The following RBM39 variants were observed in gnomAD, a reference collection of about 807,000 sequenced individuals.
The protein encoded by RBM39 is RNA-binding protein 39.
Under a neutral mutation model 79.6 loss-of-function variants are expected in RBM39, and 12 were observed. That is an observed-to-expected ratio of 0.15 (90% CI 0.10 to 0.24). RBM39 has a LOEUF of 0.24. Ranked by LOEUF, RBM39 falls within the 10% of genes least tolerant of loss-of-function variation. The pLI, the probability that RBM39 is intolerant of heterozygous loss-of-function variation, is 1.00. For synonymous variants in RBM39, 185 were observed against 208.4 expected (o/e 0.89, Z 0.97); for missense variants, 243 against 653.4 (o/e 0.37, Z 6.85).
At chr20:35,721,566 G>A (rs1042581627) in intron 9 of RBM39, among the ~76,000 whole-genome samples, 174 bp downstream of exon 9, 2 of 152,194 alleles carry the variant, frequency 1.3e-5, no homozygotes, top group Non-Finnish European at 2.9e-5. Flanking sequence ...ATTCTTTTAA[G>A]AATCTATCAA....
intron 3 of RBM39, chr20:35,736,473 T>A: frequency 2.5e-6 from 1 of 408,026 alleles, no homozygotes; most frequent in Non-Finnish European, 5.0e-6. Flanking sequence ...AATAACATTA[T>A]ATATTTTCTC....
chr20:35,718,465 C>T (rs1265978382), intron 9 of RBM39, among the ~76,000 whole-genome samples: 3 of 152,058 alleles, frequency 2.0e-5, no homozygotes, highest in African/African-American at 7.2e-5. Flanking sequence ...TATCTGAGCT[C>T]AGGAGTTCGA....
rs776906903 is a variant in RBM39, at chr20:35,725,010, T to C, written c.534+28A>G. On this transcript the variant is annotated intron_variant, in intron 7 of 16. Coordinates refer to ENST00000253363, the MANE Select transcript of RBM39 (RefSeq NM_184234.3). ...GTTTTCTCTTGCAATTTCTACCTAC[T>C]TGACCTCCCTAAACAGGTTAAGATT... The C allele has an allele frequency of 6.2e-6, 9 of 1,461,406 alleles. No homozygotes were observed. In the South Asian group the frequency reaches 1.1e-4, roughly 18 times the overall value. 90.5% of individuals were successfully genotyped at this position (1,461,406 alleles called of 1,614,324 possible). A position where few individuals can be genotyped will look rare whatever the true frequency, so the allele number is the denominator to read the frequency against.
intron 6 of RBM39, among the ~76,000 whole-genome samples, chr20:35,727,090 G>C (rs1322780316): frequency 6.6e-6 from 1 of 152,058 alleles, no homozygotes; most frequent in African/African-American, 2.4e-5. Context: ...ACCACGCCAG[G>C]CACAAAAGCT....
In RBM39 at chr20:35,703,390, T is replaced by G. The variant is rs915809865; in HGVS notation, c.*1091A>C. 6.6e-6 allele frequency: 1 copy of G among 152,170 alleles called. No individual in the cohort carries two copies. Among genetic ancestry groups the G allele is most frequent in the Non-Finnish European group, 1.5e-5 (1 of 68,036 alleles). 9.4% of individuals were successfully genotyped at this position (152,170 alleles called of 1,614,324 possible). A position where few individuals can be genotyped will look rare whatever the true frequency, so the allele number is the denominator to read the frequency against. ...GGTTTTAAGGCCAGGCTGTTTCCTT[T>G]TCTTTTTGGTAAACCCCTCAGTTTT... is the stretch of plus-strand genomic sequence containing the variant. On this transcript the variant is annotated 3_prime_UTR_variant, in exon 17 of 17. Transcript: ENST00000253363.
rs2040630545 is a variant in RBM39, at chr20:35,742,231, T to C, written c.-304A>G. ...AGCTCCCTGAAATGGCGGCCGCTGCTTCCCTGTACTCACATTCACCAGCAC... is the reference window on the plus strand; with the variant it reads ...AGCTCCCTGAAATGGCGGCCGCTGCCTCCCTGTACTCACATTCACCAGCAC... On this transcript the variant is annotated 5_prime_UTR_variant, in exon 1 of 17. Transcript: ENST00000253363. 1 of 157,338 alleles carries C rather than the reference T, an allele frequency of 6.4e-6. No homozygotes were observed. The highest frequency in any genetic ancestry group is 1.4e-5 in the Non-Finnish European group (1 of 70,676). 9.7% of individuals were successfully genotyped at this position (157,338 alleles called of 1,614,324 possible).
At chr20:35,736,014 G>T (rs937742832) in intron 3 of RBM39, among the ~76,000 whole-genome samples, 1 of 152,144 alleles carries the variant, frequency 6.6e-6, no homozygotes, top group Non-Finnish European at 1.5e-5. Context: ...GGCAAAAAGC[G>T]ACATGAGACA....
intron 6 of RBM39, among the ~76,000 whole-genome samples, chr20:35,727,214 G>A (rs1285684331): frequency 6.6e-6 from 1 of 151,896 alleles, no homozygotes; most frequent in Admixed American, 6.6e-5. Flanking sequence ...GCAGGGCATG[G>A]TGGCTGCACC....
At position 35,721,728 on chromosome 20, in the gene RBM39, A is replaced by G. The variant is rs935422930; in HGVS notation, c.825+12T>C. 1 of 1,613,374 alleles carries G rather than the reference A, an allele frequency of 6.2e-7. No homozygotes were observed. The highest frequency in any genetic ancestry group is 1.3e-5 in the African/African-American group (1 of 74,874). ...CAACCTACTGAAGATTCATTGAAGA[A>G]CCTGGACTTACTCTTCCAAAAGGCT... On this transcript the variant is annotated intron_variant, in intron 9 of 16. Coordinates refer to ENST00000253363, the MANE Select transcript of RBM39 (RefSeq NM_184234.3).
chr20:35,734,461 C>A, intron 3 of RBM39: 1 of 245,736 alleles, frequency 4.1e-6, no homozygotes, highest in Non-Finnish European at 8.2e-6. Flanking sequence ...TCTGAGATTT[C>A]TAAAACCAAA....
intron 7 of RBM39, 33 bp downstream of exon 7, chr20:35,725,004 AC>A: frequency 7.2e-7 from 1 of 1,395,778 alleles, no homozygotes; most frequent in African/African-American, 1.4e-5. Flanking sequence ...TGCAATTTCT[AC>A]CTACTTGACC....
intron 3 of RBM39, chr20:35,735,026 T>C (rs1377625856): frequency 6.2e-7 from 1 of 1,606,480 alleles, no homozygotes; most frequent in Non-Finnish European, 8.5e-7. Flanking sequence ...TGTTTTGCTA[T>C]AACTGGATTT....
chr20:35,740,125 G>C (rs2040370160), intron 2 of RBM39: 1 of 157,792 alleles, frequency 6.3e-6, no homozygotes, highest in Admixed American at 6.3e-5. Context: ...CAGTAAAACA[G>C]TCATCAAGTG....
intron 2 of RBM39, chr20:35,739,323 A>T: frequency 2.2e-6 from 1 of 456,442 alleles, no homozygotes; most frequent in South Asian, 1.8e-5. Flanking sequence ...GTGGTTAAAT[A>T]TAATTTCCAT....
At chr20:35,741,285 C>G (rs2040507679) in intron 1 of RBM39, among the ~76,000 whole-genome samples, 1 of 151,732 alleles carries the variant, frequency 6.6e-6, no homozygotes, top group Non-Finnish European at 1.5e-5. Flanking sequence ...CCGCCTGCCT[C>G]TGCCTCCCAA....
Position 35,707,166 on chromosome 20 carries a change from G to C in RBM39, c.1261C>G (p.Leu421Val). Residue 421 changes from leucine (L) to valine (V), a missense_variant, in exon 14 of 17, where the codon CTT becomes GTT. Physicochemically the swap from Leu to Val is conservative, Grantham distance 32. Coordinates refer to ENST00000253363, the MANE Select transcript of RBM39 (RefSeq NM_184234.3). ...ALAAAASVQP[L>V]ATQCFQLSNM... The stretch of plus-strand genomic sequence containing the variant: ...GAGAGTTGGAAACATTGTGTTGCAA[G>C]TGGCTGAACAGAGGCAGCTGCAGCT... The C allele has an allele frequency of 6.2e-7, 1 of 1,608,772 alleles. No individual in the cohort carries two copies. The highest frequency in any genetic ancestry group is 8.5e-7 in the Non-Finnish European group (1 of 1,176,650).
At chr20:35,739,242 T>C (rs2040286918) in intron 2 of RBM39, 4 of 562,646 alleles carry the variant, frequency 7.1e-6, no homozygotes, top group Non-Finnish European at 1.3e-5. Flanking sequence ...AAATTTTCCA[T>C]ATTAACATGT....
At chr20:35,715,410 A>T (rs549688786) in intron 10 of RBM39, among the ~76,000 whole-genome samples, 7 of 152,304 alleles carry the variant, frequency 4.6e-5, no homozygotes, top group African/African-American at 1.4e-4. Context: ...TCCTGACCTC[A>T]GGTGATCTAC....
intron 4 of RBM39, among the ~76,000 whole-genome samples, chr20:35,730,695 C>T (rs1226188860): frequency 2.4e-4 from 36 of 151,934 alleles, no homozygotes. Flanking sequence ...AAGCTAATTC[C>T]TTTCCCCTTA....
Sources: allele counts gnomAD v4.1 joint callset (sites outside exome capture counted in the v4.1 genomes callset), GRCh38; gene constraint gnomAD v4.1.1; transcripts MANE v1.5; gene names NCBI Gene and HGNC (gene_info 2026-07-23, HGNC 2026-07-21).